The following GNAQ variants were observed in gnomAD, a reference collection of about 807,000 sequenced individuals.
The protein encoded by GNAQ is G protein subunit alpha q.
Under a neutral mutation model 43.9 loss-of-function variants are expected in GNAQ, and 8 were observed. The ratio of observed to expected loss-of-function variants is 0.18; its 90% CI spans 0.11 to 0.33. The LOEUF (loss-of-function observed/expected upper bound fraction) is 0.33. Among genes scored for constraint, GNAQ ranks in the 10% least tolerant of loss-of-function variants. The pLI is 1.00. For synonymous variants in GNAQ, 155 were observed against 170.7 expected (o/e 0.91, Z 0.71); for missense variants, 158 against 450.8 (o/e 0.35, Z 5.88).
intron 2 of GNAQ, among the ~76,000 whole-genome samples, chr9:77,887,894 T>C (rs1210149070): frequency 6.6e-6 from 1 of 152,236 alleles, no homozygotes; most frequent in African/African-American, 2.4e-5. Context: ...GAAGACATTA[T>C]GAGCCAAGTA....
At chr9:77,994,245 T>C (rs1823542473) in intron 1 of GNAQ, among the ~76,000 whole-genome samples, 1 of 152,010 alleles carries the variant, frequency 6.6e-6, no homozygotes. Flanking sequence ...CACTATGTTG[T>C]CCAGGCTGGT....
chr9:77,992,200 G>A (rs1334905230), intron 1 of GNAQ, among the ~76,000 whole-genome samples: 8 of 152,306 alleles, frequency 5.3e-5, no homozygotes, highest in Non-Finnish European at 1.2e-4. Context: ...GTTTAAGAGT[G>A]TTCCCTCTTG....
chr9:77,799,329 T>C (rs1412424158), intron 3 of GNAQ, among the ~76,000 whole-genome samples: 1 of 152,194 alleles, frequency 6.6e-6, no homozygotes, highest in East Asian at 1.9e-4. Context: ...CTAAGATACA[T>C]AACAAGGAAT....
At chr9:78,022,599 T>C (rs1823924237) in intron 1 of GNAQ, among the ~76,000 whole-genome samples, 1 of 152,212 alleles carries the variant, frequency 6.6e-6, no homozygotes, top group South Asian at 2.1e-4. Flanking sequence ...GTCTTACCAA[T>C]GCTCAAAAAT....
chr9:77,804,690 C>T (rs1297188295), intron 3 of GNAQ, among the ~76,000 whole-genome samples: 4 of 151,976 alleles, frequency 2.6e-5, no homozygotes, highest in South Asian at 2.1e-4. Flanking sequence ...TAGCATGACA[C>T]GGGGTGTGTG....
intron 5 of GNAQ, among the ~76,000 whole-genome samples, chr9:77,787,306 G>A (rs1587916466): frequency 6.6e-6 from 1 of 152,334 alleles, no homozygotes; most frequent in East Asian, 1.9e-4. Flanking sequence ...GTGGCTACCT[G>A]GTAGGAGAGG....
At chr9:77,736,540 C>A (rs1396078507) in intron 5 of GNAQ, among the ~76,000 whole-genome samples, 1 of 152,130 alleles carries the variant, frequency 6.6e-6, no homozygotes, top group Non-Finnish European at 1.5e-5. Flanking sequence ...ATGTATTCTA[C>A]CTGCATAGGA....
At position 77,732,514 on chromosome 9, in the gene GNAQ, C is replaced by T. The variant is rs533443246; in HGVS notation, c.736-3847G>A. ...CCTAGTGGCTGGGACTACAGGTGTC[C>T]GCCACCACACCTGGCTAATTTTTGT... On this transcript the variant is annotated intron_variant, in intron 5 of 6. Coordinates refer to ENST00000286548, the MANE Select transcript of GNAQ (RefSeq NM_002072.5). Among the ~76,000 whole-genome samples the T allele has an allele frequency of 9.4e-3, 1,428 of 152,128 alleles. 28 individuals are homozygous for T. The highest frequency in any genetic ancestry group is 0.033 in the African/African-American group (1,354 of 41,490).
At chr9:78,023,567 C>T (rs1235890078) in intron 1 of GNAQ, among the ~76,000 whole-genome samples, 1 of 151,792 alleles carries the variant, frequency 6.6e-6, no homozygotes, top group Non-Finnish European at 1.5e-5. Context: ...TAGATGCCTG[C>T]AGTTACCAGT....
chr9:77,853,774 CAAAAAAAAA>C (rs34924714), intron 2 of GNAQ, among the ~76,000 whole-genome samples: 10 of 56,760 alleles, frequency 1.8e-4, no homozygotes, highest in African/African-American at 2.1e-4. Context: ...AAATTACTAC[CAAAAAAAAA>C]AAAAAAAAAA....
At chr9:77,987,024 C>A (rs1478512266) in intron 1 of GNAQ, among the ~76,000 whole-genome samples, 3 of 152,014 alleles carry the variant, frequency 2.0e-5, no homozygotes, top group Admixed American at 6.6e-5. Context: ...GGAAACAATT[C>A]AAGATATTAA....
chr9:78,023,448 T>C (rs1049049789), intron 1 of GNAQ, among the ~76,000 whole-genome samples: 2 of 151,990 alleles, frequency 1.3e-5, no homozygotes, highest in African/African-American at 4.8e-5. Context: ...AGGAATTAAA[T>C]GGGTGGGTGG....
intron 5 of GNAQ, among the ~76,000 whole-genome samples, chr9:77,784,655 G>A (rs1455653377): frequency 6.6e-6 from 1 of 152,126 alleles, no homozygotes; most frequent in African/African-American, 2.4e-5. Context: ...TTAAAAGATT[G>A]ATAAATTCAA....
chr9:77,932,329 G>A (rs1238959271), intron 1 of GNAQ, among the ~76,000 whole-genome samples: 2 of 152,104 alleles, frequency 1.3e-5, no homozygotes, highest in Non-Finnish European at 2.9e-5. Flanking sequence ...AAGGATGCAG[G>A]ACACAGTCAT....
chr9:77,870,568 C>T (rs534506141), intron 2 of GNAQ, among the ~76,000 whole-genome samples: 4 of 151,868 alleles, frequency 2.6e-5, no homozygotes, highest in South Asian at 2.1e-4. Context: ...TCTCGTGATC[C>T]GCCCGCCTTG....
At chr9:77,854,698 C>G (rs1393556841) in intron 2 of GNAQ, among the ~76,000 whole-genome samples, 1 of 152,200 alleles carries the variant, frequency 6.6e-6, no homozygotes, top group Non-Finnish European at 1.5e-5. Context: ...TATACTATAA[C>G]CAGCACAACC....
intron 1 of GNAQ, among the ~76,000 whole-genome samples, chr9:78,000,875 T>A (rs1823635374): frequency 2.0e-5 from 3 of 152,104 alleles, no homozygotes; most frequent in Admixed American, 2.0e-4. Flanking sequence ...TAATCCCCAG[T>A]GAGATTCAAA....
At chr9:77,912,484 T>C (rs1450349420) in intron 2 of GNAQ, among the ~76,000 whole-genome samples, 4 of 152,288 alleles carry the variant, frequency 2.6e-5, no homozygotes, top group Middle Eastern at 3.4e-3. Context: ...TACATGACCT[T>C]AAGTAGGCAA....
chr9:77,992,557 CAG>C (rs1405968640), intron 1 of GNAQ, among the ~76,000 whole-genome samples: 1 of 151,926 alleles, frequency 6.6e-6, no homozygotes, highest in Non-Finnish European at 1.5e-5. Context: ...AAAATAAAGA[CAG>C]AAAATTCTTG....
Sources: gnomAD v4.1 joint callset for allele counts (sites outside exome capture counted in the v4.1 genomes callset) on GRCh38, gnomAD v4.1.1 for gene constraint, MANE v1.5 for transcripts, NCBI Gene and HGNC (gene_info 2026-07-23, HGNC 2026-07-21) for gene names.